The following ZMIZ1 variants were observed in gnomAD, a reference collection of about 807,000 sequenced individuals.
ZMIZ1 encodes the protein zinc finger MIZ domain-containing protein 1.
ZMIZ1 carries 17 observed loss-of-function variants against 113.9 expected under a neutral mutation model. The ratio of observed to expected loss-of-function variants is 0.15; its 90% CI spans 0.10 to 0.22. The LOEUF (loss-of-function observed/expected upper bound fraction) is 0.22, where lower values mean the gene tolerates loss of function less well. Among genes scored for constraint, ZMIZ1 ranks in the 10% least tolerant of loss-of-function variants. ZMIZ1 has a pLI of 1.00. For synonymous variants in ZMIZ1, 607 were observed against 603.1 expected (o/e 1.01, Z -0.09); for missense variants, 1,059 against 1,477.8 (o/e 0.72, Z 4.65).
chr10:79,255,769 C>T (rs1333030838), intron 7 of ZMIZ1, among the ~76,000 whole-genome samples: 1 of 152,170 alleles, frequency 6.6e-6, no homozygotes, highest in East Asian at 1.9e-4. Flanking sequence ...AACCGTCCCT[C>T]CCCACCCCTG....
Position 79,249,900 on chromosome 10 carries a change from C to T in ZMIZ1, c.281-27281C>T, listed in dbSNP as rs1056156790. Among the ~76,000 whole-genome samples the T allele has an allele frequency of 2.6e-5, 4 of 152,182 alleles. No individual in the cohort carries two copies. In the South Asian group the frequency reaches 8.3e-4, roughly 32 times the overall value. On this transcript the variant is annotated intron_variant, in intron 7 of 24. Transcript: ENST00000334512. ...CCCGGTGTCCTTCCCAAGCCAGTGT[C>T]AGACAGTAATTATGAAACCCACATC... is the stretch of plus-strand genomic sequence containing the variant.
intron 6 of ZMIZ1, among the ~76,000 whole-genome samples, chr10:79,211,372 C>T (rs932567739): frequency 2.0e-5 from 3 of 152,008 alleles, no homozygotes; most frequent in African/African-American, 4.8e-5. Context: ...TGGAGAAGAA[C>T]GGAATGTGGG....
intron 4 of ZMIZ1, among the ~76,000 whole-genome samples, chr10:79,166,610 A>G (rs1200964958): frequency 1.3e-5 from 2 of 152,250 alleles, no homozygotes; most frequent in Non-Finnish European, 2.9e-5. Flanking sequence ...GTGCCCACTA[A>G]CAAGGGGTGG....
At chr10:79,200,779 C>T (rs1166630634) in intron 4 of ZMIZ1, among the ~76,000 whole-genome samples, 2 of 152,156 alleles carry the variant, frequency 1.3e-5, no homozygotes, top group Non-Finnish European at 2.9e-5. Context: ...ATGAACAACT[C>T]AAAGCCTGAG....
Position 79,069,379 on chromosome 10 carries a change from A to G in ZMIZ1, c.-337+109A>G, listed in dbSNP as rs1028491430. ...GATTGGGTGCTGGGGTTTTTCCCTT[A>G]AAGTGTCCCCCGGAGCGGGGCGACC... is the stretch of plus-strand genomic sequence containing the variant. On this transcript the variant is annotated intron_variant, in intron 1 of 24. Transcript: ENST00000334512. The surrounding 1 kb of genome is among the most constrained non-coding windows in gnomAD (Gnocchi z 4.6). 6.7e-5 allele frequency: 10 copies of G among 149,230 alleles called. No homozygotes were observed. The highest frequency in any genetic ancestry group is 2.4e-4 in the African/African-American group (10 of 40,872). 9.2% of individuals were successfully genotyped at this position (149,230 alleles called of 1,614,324 possible). A position where few individuals can be genotyped will look rare whatever the true frequency, so the allele number is the denominator to read the frequency against.
chr10:79,175,896 T>C (rs1401150886), intron 4 of ZMIZ1, among the ~76,000 whole-genome samples: 1 of 151,894 alleles, frequency 6.6e-6, no homozygotes. Flanking sequence ...GCCTGGAGAG[T>C]GGCTCCTGTT....
intron 8 of ZMIZ1, among the ~76,000 whole-genome samples, chr10:79,281,375 G>A (rs1448789364): frequency 6.6e-6 from 1 of 152,210 alleles, no homozygotes; most frequent in East Asian, 1.9e-4. Context: ...AGGGCTGACT[G>A]TCAGGAGGCT....
intron 7 of ZMIZ1, among the ~76,000 whole-genome samples, chr10:79,223,823 G>A (rs978270261): frequency 1.3e-5 from 2 of 152,150 alleles, no homozygotes; most frequent in Non-Finnish European, 2.9e-5. Flanking sequence ...CCTGGCCTCC[G>A]TCCCCTCCCC....
intron 6 of ZMIZ1, among the ~76,000 whole-genome samples, chr10:79,214,099 C>T (rs1209426122): frequency 6.6e-6 from 1 of 152,148 alleles, no homozygotes; most frequent in Non-Finnish European, 1.5e-5. Context: ...TCCCTCCAGC[C>T]CAGAATCTTC....
chr10:79,265,359 C>T (rs190728237), intron 7 of ZMIZ1, among the ~76,000 whole-genome samples: 18 of 152,276 alleles, frequency 1.2e-4, no homozygotes, highest in African/African-American at 4.1e-4. Context: ...AGCCAGTCCT[C>T]CCTATGCACA....
At chr10:79,200,169 G>C (rs899994726) in intron 4 of ZMIZ1, among the ~76,000 whole-genome samples, 3 of 152,214 alleles carry the variant, frequency 2.0e-5, no homozygotes, top group African/African-American at 7.2e-5. Flanking sequence ...CAGAGTAGCA[G>C]GGAAGGCTTA....
At chr10:79,300,587 G>C in intron 16 of ZMIZ1, 145 bp from the exon 17 acceptor site, 1 of 1,051,918 alleles carries the variant, frequency 9.5e-7, no homozygotes. Context: ...AACTCAGGCT[G>C]GGGGAATCAT....
chr10:79,137,738 C>G (rs1166832882), intron 2 of ZMIZ1, among the ~76,000 whole-genome samples: 1 of 152,086 alleles, frequency 6.6e-6, no homozygotes, highest in Non-Finnish European at 1.5e-5. Flanking sequence ...TGTACTAGAC[C>G]CATCTCTCTC....
intron 2 of ZMIZ1, among the ~76,000 whole-genome samples, chr10:79,134,138 G>T (rs895273870): frequency 6.6e-6 from 1 of 152,184 alleles, no homozygotes; most frequent in Non-Finnish European, 1.5e-5. Flanking sequence ...AGGCCCACCT[G>T]GGGGGTTCGA....
intron 11 of ZMIZ1, chr10:79,292,781 G>A (rs1306907391): frequency 1.3e-5 from 6 of 465,386 alleles, no homozygotes; most frequent in Admixed American, 4.7e-5. Context: ...GTCTGCGCAG[G>A]CCCCAGTGCT....
chr10:79,216,455 G>A (rs1215803006), intron 7 of ZMIZ1, 181 bp downstream of exon 7: 7 of 519,324 alleles, frequency 1.3e-5, no homozygotes, highest in South Asian at 5.4e-5. Flanking sequence ...GGCTGTCCTC[G>A]TGCCTCTCCC....
intron 1 of ZMIZ1, among the ~76,000 whole-genome samples, chr10:79,102,209 G>A (rs1203220884): frequency 2.6e-5 from 4 of 152,238 alleles, no homozygotes; most frequent in East Asian, 1.9e-4. Context: ...ACCAGGCCTC[G>A]CCCAGTTGGA....
At chr10:79,174,740 C>T (rs1846752068) in intron 4 of ZMIZ1, among the ~76,000 whole-genome samples, 1 of 152,170 alleles carries the variant, frequency 6.6e-6, no homozygotes, top group Admixed American at 6.5e-5. Flanking sequence ...GAGGAGTGCA[C>T]AGAAAACACG....
intron 2 of ZMIZ1, among the ~76,000 whole-genome samples, chr10:79,122,722 A>G (rs1156416099): frequency 1.3e-5 from 2 of 152,148 alleles, no homozygotes; most frequent in African/African-American, 4.8e-5. Flanking sequence ...GAAAGGCCCT[A>G]TTCCCATTTG....
Sources: allele counts gnomAD v4.1 joint callset (sites outside exome capture counted in the v4.1 genomes callset), GRCh38; gene constraint gnomAD v4.1.1; non-coding constraint Gnocchi (gnomAD v3.1); transcripts MANE v1.5; gene names NCBI Gene and HGNC (gene_info 2026-07-23, HGNC 2026-07-21).